The following EXPH5 variants were observed in gnomAD, a reference collection of about 807,000 sequenced individuals.
EXPH5 encodes exophilin 5, also known as exophilin-5.
EXPH5 carries 42 observed loss-of-function variants against 41.1 expected under a neutral mutation model. The observed-to-expected ratio is 1.02, with a 90% CI of 0.80 to 1.32. EXPH5 has a LOEUF of 1.32. Among genes scored for constraint, EXPH5 ranks in the 40% most tolerant of loss-of-function variants. The probability of loss-of-function intolerance (pLI) is 0.00; values close to 1 mark genes in which losing one functional copy is unlikely to be tolerated. For synonymous variants in EXPH5, 798 were observed against 833.5 expected (o/e 0.96, Z 0.73); for missense variants, 2,298 against 2,314.5 (o/e 0.99, Z 0.15).
chr11:108,547,978 G>A (rs1591723494), intron 1 of EXPH5, among the ~76,000 whole-genome samples: 1 of 151,840 alleles, frequency 6.6e-6, no homozygotes, highest in South Asian at 2.1e-4. Context: ...GCTTGGTGGC[G>A]GGTGCCTGTA....
At chr11:108,569,392 T>A (rs1199819349) in intron 1 of EXPH5, among the ~76,000 whole-genome samples, 2 of 152,164 alleles carry the variant, frequency 1.3e-5, no homozygotes, top group African/African-American at 4.8e-5. Context: ...CAAGCTGGAG[T>A]GCAATGGTGT....
intron 1 of EXPH5, among the ~76,000 whole-genome samples, chr11:108,546,767 C>T (rs1265209616): frequency 6.6e-6 from 1 of 151,780 alleles, no homozygotes; most frequent in Non-Finnish European, 1.5e-5. Context: ...ATAAATACTG[C>T]TTTAAAAATA....
At chr11:108,604,181 A>G in the EXPH5 span, among the ~76,000 whole-genome samples, 4 of 147,898 alleles carry the variant, frequency 2.7e-5, no homozygotes, top group Admixed American at 1.4e-4. Context: ...GCTTGAGCCC[A>G]GGAGTTTGAG....
At chr11:108,558,256 CTTTAT>C (rs2093998060) in intron 1 of EXPH5, among the ~76,000 whole-genome samples, 1 of 152,044 alleles carries the variant, frequency 6.6e-6, no homozygotes, top group South Asian at 2.1e-4. Flanking sequence ...ACTTTTTAAA[CTTTAT>C]TTTATTTTAT....
At chr11:108,537,939 T>A (rs1245948912) in intron 3 of EXPH5, 1 of 982,644 alleles carries the variant, frequency 1.0e-6, no homozygotes, top group East Asian at 1.1e-4. Flanking sequence ...GTCTCAAAAA[T>A]TTTTACAGAG....
Position 108,514,623 on chromosome 11 carries a change from T to A in EXPH5, c.884A>T (p.Tyr295Phe). 6.2e-7 allele frequency: 1 copy of A among 1,610,344 alleles called. No homozygotes were observed. The highest frequency in any genetic ancestry group is 8.5e-7 in the Non-Finnish European group (1 of 1,178,880). Residue 295 changes from tyrosine to phenylalanine, a missense_variant, in exon 6 of 6, where the codon TAT (tyrosine) becomes TTT (phenylalanine). Coordinates refer to ENST00000265843, the MANE Select transcript of EXPH5 (RefSeq NM_015065.3). The stretch of plus-strand genomic sequence containing the variant: ...GGGCTCCCTTGTCCTATACATATCA[T>A]AAATTGTGCTTGTCCTAGGAGAAAA... The part of the protein sequence containing the change: ...KTFSPRTSTI[Y>F]DMYRTREPRV...
At chr11:108,530,350 T>C (rs1358210405) in intron 3 of EXPH5, among the ~76,000 whole-genome samples, 1 of 152,082 alleles carries the variant, frequency 6.6e-6, no homozygotes, top group Non-Finnish European at 1.5e-5. Flanking sequence ...ACAGCAGATA[T>C]GTAAAGAGCC....
chr11:108,514,215 G>A lies in EXPH5; in HGVS notation c.1292C>T (p.Ala431Val). 6.2e-7 allele frequency: 1 copy of A among 1,614,196 alleles called. No individual in the cohort carries two copies. Among genetic ancestry groups the A allele is most frequent in the Non-Finnish European group, 8.5e-7 (1 of 1,180,024 alleles). ...GGGACTCATTGCATTCTCCATGGGA[G>A]CATTTAAACTAACACGTTGGTAAAC... ...QNVYQRVSLN[A>V]PMENAMSPDT... Residue 431 changes from alanine (A) to valine (V), a missense_variant, in exon 6 of 6, where the codon GCT becomes GTT. Ala to Val is a moderately conservative substitution (Grantham distance 64). Coordinates refer to ENST00000265843, the MANE Select transcript of EXPH5 (RefSeq NM_015065.3).
In EXPH5 at chr11:108,510,436, T is replaced by G. The variant is rs756915127; in HGVS notation, c.5071A>C (p.Lys1691Gln). Residue 1691 changes from lysine (K) to glutamine (Q), a missense_variant, in exon 6 of 6, where the codon AAG (lysine) becomes CAG (glutamine). Physicochemically the swap from Lys to Gln is moderately conservative, Grantham distance 53. Coordinates refer to ENST00000265843, the MANE Select transcript of EXPH5 (RefSeq NM_015065.3). ...REPSTHVSNQ[K>Q]SNSISQRHQN... ...TGTCGTTGTGAAATGCTGTTAGACTTCTGGTTGCTGACGTGTGTAGAAGGT... is the reference window on the plus strand; with the variant it reads ...TGTCGTTGTGAAATGCTGTTAGACTGCTGGTTGCTGACGTGTGTAGAAGGT... 6.2e-7 allele frequency: 1 copy of G among 1,614,028 alleles called. No individual in the cohort carries two copies. Among genetic ancestry groups the G allele is most frequent in the South Asian group, 1.1e-5 (1 of 91,050 alleles).
At position 108,511,887 on chromosome 11, in the gene EXPH5, T is replaced by C; in HGVS notation, c.3620A>G (p.Asn1207Ser). 6.3e-7 allele frequency: 1 copy of C among 1,588,412 alleles called. No homozygotes were observed. Among genetic ancestry groups the C allele is most frequent in the African/African-American group, 1.4e-5 (1 of 73,502 alleles). The change falls in exon 6 of 6, where the codon AAT becomes AGT. Residue 1207 changes from asparagine to serine, a missense_variant. By Grantham distance (46) the Asn-to-Ser change is conservative. Transcript: ENST00000265843. ...ASRRSVFALS[N>S]EDPLPFCSDL... ...TGAGCAAAAAGGTAAAGGGTCTTCA[T>C]TTGAAAGAGCAAATACACTTCTCCT...
intron 3 of EXPH5, among the ~76,000 whole-genome samples, chr11:108,529,908 T>C (rs897488351): frequency 6.6e-6 from 1 of 151,696 alleles, no homozygotes; most frequent in Non-Finnish European, 1.5e-5. Flanking sequence ...AATCAGGCCC[T>C]TTCCTCCACT....
rs114179866 is a variant in EXPH5 at position 108,510,295 on chromosome 11, T to C, written c.5212A>G (p.Thr1738Ala). The C allele has an allele frequency of 2.3e-5, 37 of 1,614,054 alleles. No individual in the cohort carries two copies. Among genetic ancestry groups the C allele is most frequent in the Non-Finnish European group, 3.1e-5 (36 of 1,180,028 alleles). Residue 1738 changes from threonine to alanine, a missense_variant, in exon 6 of 6, where the codon ACC becomes GCC. By Grantham distance (58) the Thr-to-Ala change is moderately conservative. Transcript: ENST00000265843. ...ESGAPSPITF[T>A]SLREAEFSDN... Reference sequence around the variant, plus strand: ...GAGAATTCTGCTTCCCTGAGGCTGGTGAATGTGATGGGTGATGGGGCTCCT... The same window carrying C: ...GAGAATTCTGCTTCCCTGAGGCTGGCGAATGTGATGGGTGATGGGGCTCCT...
intron 1 of EXPH5, among the ~76,000 whole-genome samples, chr11:108,548,239 T>C (rs549474494): frequency 6.6e-6 from 1 of 150,718 alleles, no homozygotes; most frequent in Admixed American, 6.6e-5. Flanking sequence ...CTTTTTTTTC[T>C]TTTTTTTGTT....
intron 1 of EXPH5, among the ~76,000 whole-genome samples, chr11:108,589,835 C>CT (rs1195101125): frequency 6.6e-6 from 1 of 151,972 alleles, no homozygotes; most frequent in South Asian, 2.1e-4. Context: ...AATACTCGAC[C>CT]TTTTTTAATT....
chr11:108,562,638 A>G (rs939841449), intron 1 of EXPH5, among the ~76,000 whole-genome samples: 2 of 151,638 alleles, frequency 1.3e-5, no homozygotes, highest in Non-Finnish European at 2.9e-5. Context: ...GTAAAATTAC[A>G]TTCAATGCAA....
chr11:108,595,166 G>A (rs2094136980), upstream of EXPH5, among the ~76,000 whole-genome samples: 1 of 152,170 alleles, frequency 6.6e-6, no homozygotes, highest in Non-Finnish European at 1.5e-5. Flanking sequence ...GTATCCTGGT[G>A]CCTATTACAT....
At chr11:108,580,325 G>C (rs2094094061) in intron 1 of EXPH5, among the ~76,000 whole-genome samples, 1 of 152,082 alleles carries the variant, frequency 6.6e-6, no homozygotes, top group Non-Finnish European at 1.5e-5. Flanking sequence ...CTAATCATCA[G>C]GGAAATGCAA....
upstream of EXPH5, among the ~76,000 whole-genome samples, chr11:108,595,892 A>G (rs1183299406): frequency 6.6e-6 from 1 of 152,150 alleles, no homozygotes; most frequent in Non-Finnish European, 1.5e-5. Flanking sequence ...TTTGAGGGTG[A>G]TAATGATACA....
At chr11:108,597,859 T>C (rs1258984438), upstream of EXPH5, among the ~76,000 whole-genome samples, 1 of 152,162 alleles carries the variant, frequency 6.6e-6, no homozygotes, top group Non-Finnish European at 1.5e-5. Context: ...CTATTAGAAC[T>C]AAAGAAGGAG....
Sources: gnomAD v4.1 joint callset for allele counts (sites outside exome capture counted in the v4.1 genomes callset) on GRCh38, gnomAD v4.1.1 for gene constraint, MANE v1.5 for transcripts, NCBI Gene and HGNC (gene_info 2026-07-23, HGNC 2026-07-21) for gene names.